Variants in PCDHGA6 observed in about 807,000 individuals in gnomAD.
PCDHGA6 encodes the protein protocadherin gamma-A6.
In PCDHGA6, 41 loss-of-function variants were observed where a neutral mutation model predicts 60.6. The observed-to-expected ratio is 0.68, with a 90% CI of 0.53 to 0.88. PCDHGA6 has a LOEUF of 0.88. PCDHGA6 is among the 40% of genes least tolerant of loss of function. The pLI is 0.00. For synonymous variants in PCDHGA6, 594 were observed against 524.4 expected (o/e 1.13, Z -1.81); for missense variants, 1,312 against 1,203.0 (o/e 1.09, Z -1.34).
In PCDHGA6 at chr5:141,393,995, A is replaced by C. The variant is rs201832611; in HGVS notation, c.2424+17488A>C. On this transcript the variant is annotated intron_variant, in intron 1 of 3. Coordinates refer to ENST00000517434, the MANE Select transcript of PCDHGA6 (RefSeq NM_018919.3). ...CACGTGATAATTTACCTTTTAAATT[A>C]GAAAAGTCAATAGGTAATTATTATA... is the stretch of plus-strand genomic sequence containing the variant. The C allele has an allele frequency of 8.1e-6, 13 of 1,613,430 alleles. No homozygotes were observed. Among genetic ancestry groups the C allele is most frequent in the Non-Finnish European group, 1.1e-5 (13 of 1,179,634 alleles).
chr5:141,457,809 C>A (rs1404645915), intron 1 of PCDHGA6, among the ~76,000 whole-genome samples: 1 of 152,180 alleles, frequency 6.6e-6, no homozygotes, highest in Non-Finnish European at 1.5e-5. Flanking sequence ...CTCTTGAGGT[C>A]CCAAGATAAA....
intron 1 of PCDHGA6, chr5:141,422,123 C>A: frequency 6.2e-7 from 1 of 1,601,290 alleles, no homozygotes; most frequent in South Asian, 1.1e-5. Context: ...GATTCACAAA[C>A]TGGAGAAGTT....
intron 1 of PCDHGA6, chr5:141,420,388 A>G (rs986892784): frequency 3.1e-6 from 4 of 1,282,144 alleles, no homozygotes; most frequent in Non-Finnish European, 4.1e-6. Context: ...TTCGCAAAAT[A>G]TAGGTCAAAT....
rs1006751011 is a variant in PCDHGA6, at chr5:141,431,033, C to T, written c.2424+54526C>T. ...CTTGGTCACGGCGGGCAGGATAGAC[C>T]GGGAGGAGCTCTGTATGGGGGCCAT... On this transcript the variant is annotated intron_variant, in intron 1 of 3. Coordinates refer to ENST00000517434, the MANE Select transcript of PCDHGA6 (RefSeq NM_018919.3). This position sits in a 1 kb window ranked among gnomAD's most constrained non-coding sequence, Gnocchi z 4.8. 1.2e-6 allele frequency: 2 copies of T among 1,613,864 alleles called. No homozygotes were observed. The highest frequency in any genetic ancestry group is 1.3e-5 in the African/African-American group (1 of 74,924).
chr5:141,388,906 A>ACG (rs890479246), intron 1 of PCDHGA6: 2 of 1,614,016 alleles, frequency 1.2e-6, no homozygotes, highest in Admixed American at 3.3e-5. Flanking sequence ...GAAAATGACA[A>ACG]CGCCCCAGAA....
At position 141,400,743 on chromosome 5, in the gene PCDHGA6, C is replaced by T. The variant is rs1404866842; in HGVS notation, c.2424+24236C>T. 6.5e-6 allele frequency: 4 copies of T among 611,214 alleles called. No individual in the cohort carries two copies. In the East Asian group the frequency reaches 1.1e-4, roughly 17 times the overall value. 37.9% of individuals were successfully genotyped at this position (611,214 alleles called of 1,614,324 possible). A position where few individuals can be genotyped will look rare whatever the true frequency, so the allele number is the denominator to read the frequency against. On this transcript the variant is annotated intron_variant, in intron 1 of 3. Coordinates refer to ENST00000517434, the MANE Select transcript of PCDHGA6 (RefSeq NM_018919.3). ...ATTTACAAAGTAGTGAGAGTTTGCTCTTAGCTTCCTCTCTAGCAAAAACAT... is the reference window on the plus strand; with the variant it reads ...ATTTACAAAGTAGTGAGAGTTTGCTTTTAGCTTCCTCTCTAGCAAAAACAT...
intron 1 of PCDHGA6, chr5:141,408,888 A>G: frequency 1.2e-6 from 2 of 1,613,352 alleles, no homozygotes; most frequent in Non-Finnish European, 1.7e-6. Context: ...GCTCACATAG[A>G]AATTTCTGTC....
At chr5:141,410,736 A>G (rs553799279) in intron 1 of PCDHGA6, 1 of 1,334,690 alleles carries the variant, frequency 7.5e-7, no homozygotes, top group East Asian at 2.4e-5. Flanking sequence ...ATAGCTTTTT[A>G]CAATATTTTC....
chr5:141,433,883 G>A (rs1051019240), intron 1 of PCDHGA6, among the ~76,000 whole-genome samples: 1 of 149,932 alleles, frequency 6.7e-6, no homozygotes, highest in Non-Finnish European at 1.5e-5. Flanking sequence ...ATCCATTGAT[G>A]ACACTTGCTT....
At position 141,376,467 on chromosome 5, in the gene PCDHGA6, A is replaced by C; in HGVS notation, c.2384A>C (p.Gln795Pro). 3 of 1,614,180 alleles carry C rather than the reference A, an allele frequency of 1.9e-6. No individual in the cohort carries two copies. Among genetic ancestry groups the C allele is most frequent in the Non-Finnish European group, 2.5e-6 (3 of 1,180,026 alleles). Residue 795 changes from glutamine (Q) to proline (P), a missense_variant, in exon 1 of 4, where the codon CAG (glutamine) becomes CCG (proline). Coordinates refer to ENST00000517434, the MANE Select transcript of PCDHGA6 (RefSeq NM_018919.3). The stretch of plus-strand genomic sequence containing the variant: ...AAAAGCGAGCCTCTTCTGATAACTC[A>C]GGATTTACTTGAAACGAAAGGAGAA... Reference protein sequence around the residue: ...YEKSEPLLITQDLLETKGEPR... With the variant: ...YEKSEPLLITPDLLETKGEPR...
chr5:141,478,148 C>T lies in PCDHGA6; in HGVS notation c.2425-16659C>T, dbSNP rs752958567. ...CTCTCCTGAAGCCCGAGCCGAGTTC[C>T]CCTCTGGCTCTGCCCCCCGGGAGCA... On this transcript the variant is annotated intron_variant, in intron 1 of 3. Coordinates refer to ENST00000517434, the MANE Select transcript of PCDHGA6 (RefSeq NM_018919.3). 3.1e-6 allele frequency: 5 copies of T among 1,613,948 alleles called. No homozygotes were observed. The highest frequency in any genetic ancestry group is 1.6e-4 in the Middle Eastern group (1 of 6,082).
At position 141,489,207 on chromosome 5, in the gene PCDHGA6, A is replaced by T; in HGVS notation, c.2425-5600A>T. The T allele has an allele frequency of 6.9e-7, 1 of 1,452,692 alleles. No homozygotes were observed. The highest frequency in any genetic ancestry group is 9.3e-7 in the Non-Finnish European group (1 of 1,073,586). 90.0% of individuals were successfully genotyped at this position (1,452,692 alleles called of 1,614,324 possible). ...GGGTCTACCTTGGAGACAGGACAGC[A>T]CAGACTTACTCTCCACAAAGGGACT... On this transcript the variant is annotated intron_variant, in intron 1 of 3. Transcript: ENST00000517434. The surrounding 1 kb of genome is among the most constrained non-coding windows in gnomAD (Gnocchi z 4.5).
chr5:141,491,876 A>G lies in PCDHGA6; in HGVS notation c.2425-2931A>G. ...TTGCGCGAAACCAGAGTGGCCGATT[A>G]AGGGATGGGGCTCCGAGCACCGGGG... On this transcript the variant is annotated intron_variant, in intron 1 of 3. Coordinates refer to ENST00000517434, the MANE Select transcript of PCDHGA6 (RefSeq NM_018919.3). The surrounding 1 kb of genome is among the most constrained non-coding windows in gnomAD (Gnocchi z 6.9). 2.1e-6 allele frequency: 3 copies of G among 1,450,326 alleles called. No individual in the cohort carries two copies. Among genetic ancestry groups the G allele is most frequent in the Non-Finnish European group, 1.8e-6 (2 of 1,097,472 alleles). 89.8% of individuals were successfully genotyped at this position (1,450,326 alleles called of 1,614,324 possible).
Position 141,485,718 on chromosome 5 carries a change from T to A in PCDHGA6, c.2425-9089T>A, listed in dbSNP as rs562192762. ...TCCAATGAACACTTTGCACTGGATG[T>A]GAAGAAGCGCAGCGACGGCAGCCTG... On this transcript the variant is annotated intron_variant, in intron 1 of 3. Coordinates refer to ENST00000517434, the MANE Select transcript of PCDHGA6 (RefSeq NM_018919.3). The surrounding 1 kb of genome is among the most constrained non-coding windows in gnomAD (Gnocchi z 5.7). 1 of 1,614,058 alleles carries A rather than the reference T, an allele frequency of 6.2e-7. No homozygotes were observed. The highest frequency in any genetic ancestry group is 2.2e-5 in the East Asian group (1 of 44,866).
intron 1 of PCDHGA6, chr5:141,424,478 G>A (rs953233220): frequency 3.3e-5 from 5 of 151,898 alleles, no homozygotes; most frequent in Admixed American, 6.6e-5. Context: ...CTTTTACTTT[G>A]GTGTCTGTGT....
intron 1 of PCDHGA6, chr5:141,408,186 G>A (rs529140572): frequency 1.7e-4 from 266 of 1,542,242 alleles, no homozygotes; most frequent in Non-Finnish European, 2.2e-4. Flanking sequence ...GGGACCCAGC[G>A]AGAACCCGAG....
At chr5:141,478,287 G>C (rs777542913) in intron 1 of PCDHGA6, 1 of 1,614,154 alleles carries the variant, frequency 6.2e-7, no homozygotes, top group South Asian at 1.1e-5. Context: ...AAGCAGTCTA[G>C]AGACCTATAC....
chr5:141,502,661 T>G (rs1440361647), intron 2 of PCDHGA6, among the ~76,000 whole-genome samples: 1 of 152,240 alleles, frequency 6.6e-6, no homozygotes. Flanking sequence ...CAACCCTTCA[T>G]GCAATTTTAG....
rs1258238617 is a variant in PCDHGA6, at chr5:141,409,461, T to A, written c.2424+32954T>A. On this transcript the variant is annotated intron_variant, in intron 1 of 3. Coordinates refer to ENST00000517434, the MANE Select transcript of PCDHGA6 (RefSeq NM_018919.3). ...CGAGAGCAGACACCAGAATACAATG[T>A]CACCATCGTAGCCACTGACAGGGGC... The A allele has an allele frequency of 5.0e-6, 8 of 1,613,928 alleles. No homozygotes were observed. In the Admixed American group the frequency reaches 1.3e-4, roughly 27 times the overall value.
Sources: gnomAD v4.1 joint callset for allele counts (sites outside exome capture counted in the v4.1 genomes callset) on GRCh38, gnomAD v4.1.1 for gene constraint, Gnocchi (gnomAD v3.1) non-coding constraint, MANE v1.5 for transcripts, NCBI Gene and HGNC (gene_info 2026-07-23, HGNC 2026-07-21) for gene names.